Variants in TENM2 observed in about 807,000 individuals in gnomAD.
TENM2 encodes teneurin transmembrane protein 2.
TENM2 carries 52 observed loss-of-function variants against 245.2 expected under a neutral mutation model. The ratio of observed to expected loss-of-function variants is 0.21; its 90% confidence interval spans 0.17 to 0.27. TENM2 has a LOEUF of 0.27. TENM2 is among the 10% of genes least tolerant of loss of function. TENM2 has a pLI of 1.00. For missense variants in TENM2, 3,046 were observed against 3,666.8 expected (o/e 0.83, Z 4.37); for synonymous variants, 1,363 against 1,438.9 (o/e 0.95, Z 1.19).
At chr5:167,941,825 G>A (rs1267927035) in intron 3 of TENM2, among the ~76,000 whole-genome samples, 1 of 152,080 alleles carries the variant, frequency 6.6e-6, no homozygotes, top group African/African-American at 2.4e-5. Context: ...CTGCACTCCA[G>A]CCTGAGTGAC....
intron 1 of TENM2, among the ~76,000 whole-genome samples, chr5:167,286,281 T>C (rs536740291): frequency 6.6e-6 from 1 of 152,368 alleles, no homozygotes; most frequent in East Asian, 1.9e-4. Flanking sequence ...TTAATCTTCC[T>C]TCTTATTTTC....
chr5:167,630,030 G>A (rs1205047426), intron 2 of TENM2, among the ~76,000 whole-genome samples: 1 of 151,950 alleles, frequency 6.6e-6, no homozygotes, highest in Non-Finnish European at 1.5e-5. Context: ...TGCGGGAAAT[G>A]GACAGTACCA....
At chr5:168,028,069 C>A (rs1786782565) in intron 5 of TENM2, among the ~76,000 whole-genome samples, 2 of 152,174 alleles carry the variant, frequency 1.3e-5, no homozygotes, top group African/African-American at 4.8e-5. Flanking sequence ...AAGTTTTCTG[C>A]CCATTCTAGA....
intron 2 of TENM2, among the ~76,000 whole-genome samples, chr5:167,694,127 A>G (rs1757609955): frequency 6.6e-6 from 1 of 152,190 alleles, no homozygotes; most frequent in East Asian, 1.9e-4. Flanking sequence ...ATCTTGCTTG[A>G]GTTCCTCTAT....
chr5:166,997,010 C>G, the TENM2 span, among the ~76,000 whole-genome samples: 1 of 152,136 alleles, frequency 6.6e-6, no homozygotes, highest in Admixed American at 6.5e-5. Flanking sequence ...TTTATTCACA[C>G]ACTATTGATT....
intron 9 of TENM2, among the ~76,000 whole-genome samples, chr5:168,109,043 CCTT>C (rs1247727224): frequency 1.3e-5 from 2 of 152,184 alleles, no homozygotes; most frequent in African/African-American, 4.8e-5. Context: ...ATACCCATCT[CCTT>C]CTACCACCCC....
the TENM2 span, among the ~76,000 whole-genome samples, chr5:167,229,104 G>T: frequency 0.21 from 31,522 of 152,168 alleles, 3,820 homozygotes; most frequent in African/African-American, 0.33. Context: ...ATCTGGATGT[G>T]TGAAGTGGTG....
chr5:167,868,875 A>T (rs1018250700), intron 2 of TENM2, among the ~76,000 whole-genome samples: 1 of 152,208 alleles, frequency 6.6e-6, no homozygotes, highest in South Asian at 2.1e-4. Flanking sequence ...ACCAGCTGGA[A>T]CCAGTAAGCT....
chr5:167,544,796 A>G lies in TENM2; in HGVS notation c.502+169323A>G, dbSNP rs80261293. Among the ~76,000 whole-genome samples, 290 of 152,330 alleles carry G rather than the reference A, an allele frequency of 1.9e-3. 4 individuals are homozygous for G. The highest frequency in any genetic ancestry group is 6.6e-3 in the African/African-American group (275 of 41,568). ...CTGATATTCTAAGGAGAGATACACAATTTTAAAATAACGAAAAGCAAAAAT... is the reference window on the plus strand; with the variant it reads ...CTGATATTCTAAGGAGAGATACACAGTTTTAAAATAACGAAAAGCAAAAAT... On this transcript the variant is annotated intron_variant, in intron 2 of 28. Transcript: ENST00000518659.
chr5:167,532,715 T>TATATATACACACACATATATACACACAC (rs200854520), intron 2 of TENM2, among the ~76,000 whole-genome samples: 2 of 150,046 alleles, frequency 1.3e-5, no homozygotes, highest in African/African-American at 5.0e-5. Flanking sequence ...TCTATATATG[T>TATATATACACACACATATATACACACAC]ATATATACAC....
At chr5:167,630,961 A>G (rs961105660) in intron 2 of TENM2, among the ~76,000 whole-genome samples, 1 of 152,198 alleles carries the variant, frequency 6.6e-6, no homozygotes, top group Non-Finnish European at 1.5e-5. Flanking sequence ...GTTTTGGACC[A>G]CTGGCAGAGA....
intron 1 of TENM2, among the ~76,000 whole-genome samples, chr5:167,351,414 T>G (rs1410623809): frequency 6.6e-6 from 1 of 152,128 alleles, no homozygotes; most frequent in Non-Finnish European, 1.5e-5. Flanking sequence ...AGTTCTCTTG[T>G]TTTTAAATGA....
chr5:167,977,517 C>T (rs1782532087), intron 4 of TENM2, among the ~76,000 whole-genome samples: 1 of 152,106 alleles, frequency 6.6e-6, no homozygotes, highest in Non-Finnish European at 1.5e-5. Flanking sequence ...CTAGGCTCTC[C>T]CTGAAAGCTC....
intron 2 of TENM2, among the ~76,000 whole-genome samples, chr5:167,465,696 T>C (rs527818660): frequency 6.6e-6 from 1 of 152,102 alleles, no homozygotes; most frequent in Non-Finnish European, 1.5e-5. Context: ...CCGGGCTTGG[T>C]GGCGGGCGCC....
At chr5:167,411,782 C>G (rs879408284) in intron 2 of TENM2, among the ~76,000 whole-genome samples, 2 of 151,974 alleles carry the variant, frequency 1.3e-5, no homozygotes, top group Admixed American at 6.6e-5. Context: ...AACCATTTGG[C>G]AAGAATCATC....
At chr5:167,094,038 C>T in the TENM2 span, among the ~76,000 whole-genome samples, 1 of 152,102 alleles carries the variant, frequency 6.6e-6, no homozygotes. Flanking sequence ...AAACAGGTAG[C>T]AGGGAAGATA....
At chr5:168,210,913 A>T (rs1762759013) in intron 19 of TENM2, among the ~76,000 whole-genome samples, 1 of 152,110 alleles carries the variant, frequency 6.6e-6, no homozygotes, top group Non-Finnish European at 1.5e-5. Context: ...ACAATTTCCT[A>T]TTGAAATTGA....
intron 1 of TENM2, among the ~76,000 whole-genome samples, chr5:167,307,195 A>G (rs1755730455): frequency 6.6e-6 from 1 of 152,226 alleles, no homozygotes; most frequent in Non-Finnish European, 1.5e-5. Context: ...TTTGGTGCTC[A>G]GATCTGTGCA....
chr5:167,961,222 TA>T (rs1780989782), intron 4 of TENM2, among the ~76,000 whole-genome samples: 1 of 152,246 alleles, frequency 6.6e-6, no homozygotes, highest in Non-Finnish European at 1.5e-5. Context: ...TTAAAATATG[TA>T]AAGTCAATAA....
Sources: allele counts gnomAD v4.1 joint callset (sites outside exome capture counted in the v4.1 genomes callset), GRCh38; gene constraint gnomAD v4.1.1; transcripts MANE v1.5; gene names NCBI Gene and HGNC (gene_info 2026-07-23, HGNC 2026-07-21).